PLCB1: variants seen among roughly 807,000 people sequenced by gnomAD.
PLCB1 encodes the protein 1-phosphatidylinositol 4,5-bisphosphate phosphodiesterase beta-1.
Under a neutral mutation model 161.8 loss-of-function variants are expected in PLCB1, and 46 were observed. That is an observed-to-expected ratio of 0.28 (90% CI 0.22 to 0.36). PLCB1 has a LOEUF of 0.36. Ranked by LOEUF, PLCB1 falls within the 10% of genes least tolerant of loss-of-function variation. The pLI, the probability that PLCB1 is intolerant of heterozygous loss-of-function variation, is 1.00. For synonymous variants in PLCB1, 517 were observed against 503.7 expected (o/e 1.03, Z -0.35); for missense variants, 1,016 against 1,472.5 (o/e 0.69, Z 5.07).
chr20:8,456,007 G>A (rs1981300704), intron 3 of PLCB1, among the ~76,000 whole-genome samples: 1 of 152,176 alleles, frequency 6.6e-6, no homozygotes, highest in Non-Finnish European at 1.5e-5. Flanking sequence ...ATAGGAATAC[G>A]TGTTCTGGTT....
intron 3 of PLCB1, among the ~76,000 whole-genome samples, chr20:8,431,616 T>G (rs1234881940): frequency 6.6e-6 from 1 of 152,148 alleles, no homozygotes; most frequent in East Asian, 1.9e-4. Flanking sequence ...ATTATAGACA[T>G]GTATTTGGTA....
rs1158864787 is a variant in PLCB1, at chr20:8,541,595, A to AGAAAGAAAGAAAGAAAGAAAGAAAGAAG, written c.247-86686_247-86685insAAAGAAAGAAAGAAGGAAAGAAAGAAAG. ...AAGAAAGAAAGAAAGAAAGAAAGAA[A>AGAAAGAAAGAAAGAAAGAAAGAAAGAAG]GAAAGAAAGAAAGGAAGGAAGATAG... On this transcript the variant is annotated intron_variant, in intron 3 of 31. Coordinates refer to ENST00000338037, the MANE Select transcript of PLCB1 (RefSeq NM_015192.4). Among the ~76,000 whole-genome samples the AGAAAGAAAGAAAGAAAGAAAGAAAGAAG allele has an allele frequency of 2.6e-3, 395 of 151,810 alleles. 5 individuals are homozygous for AGAAAGAAAGAAAGAAAGAAAGAAAGAAG. The highest frequency in any genetic ancestry group is 9.3e-3 in the African/African-American group (385 of 41,326).
intron 2 of PLCB1, among the ~76,000 whole-genome samples, chr20:8,343,622 T>A (rs151071279): frequency 6.6e-6 from 1 of 152,208 alleles, no homozygotes; most frequent in East Asian, 1.9e-4. Context: ...GATCATTTAG[T>A]ATACTTCCAG....
intron 2 of PLCB1, among the ~76,000 whole-genome samples, chr20:8,220,750 T>C (rs1457142256): frequency 1.3e-5 from 2 of 152,196 alleles, no homozygotes; most frequent in Admixed American, 6.5e-5. Flanking sequence ...ATGTCTGTTG[T>C]TCAAAGTCAC....
rs117911156 is a variant in PLCB1 at position 8,360,943 on chromosome 20, A to G, written c.178-10439A>G. ...AGAAAATGAGACTATCCAGATGGAT[A>G]TAACCAATCAGCTACTAAGGTAAAG... On this transcript the variant is annotated intron_variant, in intron 2 of 31. Coordinates refer to ENST00000338037, the MANE Select transcript of PLCB1 (RefSeq NM_015192.4). 1.4e-4 allele frequency among the ~76,000 whole-genome samples: 22 copies of G among 152,392 alleles called. No individual in the cohort carries two copies. The East Asian group carries it at 4.0e-3, about 28-fold the overall frequency.
rs139438338 is a variant in PLCB1, at chr20:8,161,642, G to C, written c.177+11271G>C. Among the ~76,000 whole-genome samples the C allele has an allele frequency of 2.0e-5, 3 of 152,294 alleles. No homozygotes were observed. In the East Asian group the frequency reaches 5.8e-4, roughly 29 times the overall value. On this transcript the variant is annotated intron_variant, in intron 2 of 31. Coordinates refer to ENST00000338037, the MANE Select transcript of PLCB1 (RefSeq NM_015192.4). ...AGGCCTAGTACATTTGCTAGGAACAGACAAACTGTATGAAGAAGGTATTCT... is the reference window on the plus strand; with the variant it reads ...AGGCCTAGTACATTTGCTAGGAACACACAAACTGTATGAAGAAGGTATTCT...
At chr20:8,356,991 G>T (rs1053522065) in intron 2 of PLCB1, among the ~76,000 whole-genome samples, 4 of 152,152 alleles carry the variant, frequency 2.6e-5, no homozygotes, top group African/African-American at 7.2e-5. Context: ...AAGTAATTTG[G>T]AGGAAGATTT....
chr20:8,803,104 G>T (rs1448136879), intron 31 of PLCB1, among the ~76,000 whole-genome samples: 1 of 152,170 alleles, frequency 6.6e-6, no homozygotes, highest in African/African-American at 2.4e-5. Context: ...TACTGAGAAA[G>T]AGGTATGAGT....
intron 2 of PLCB1, among the ~76,000 whole-genome samples, chr20:8,355,993 A>G (rs1986351737): frequency 1.3e-5 from 2 of 152,160 alleles, no homozygotes; most frequent in African/African-American, 2.4e-5. Flanking sequence ...TTAAAAATAG[A>G]CCTGCAGAAT....
chr20:8,760,406 G>C lies in PLCB1; in HGVS notation c.2657-1G>C, dbSNP rs770614660. The C allele has an allele frequency of 6.3e-7, 1 of 1,593,092 alleles. No individual in the cohort carries two copies. Among genetic ancestry groups the C allele is most frequent in the Non-Finnish European group, 8.6e-7 (1 of 1,161,948 alleles). On this transcript the variant is annotated splice_acceptor_variant, in intron 24 of 31. Transcript: ENST00000338037. LOFTEE classifies it high-confidence loss of function. The stretch of plus-strand genomic sequence containing the variant: ...TATTTATTTTATCTTTTATATTACA[G>C]GTTCTGTAAAGGCACCTGCCAAAAC...
At chr20:8,658,747 A>G (rs767687667) in intron 9 of PLCB1, 43 bp downstream of exon 9, 30 of 1,527,174 alleles carry the variant, frequency 2.0e-5, no homozygotes, top group Non-Finnish European at 1.9e-5. Context: ...CTTGTTTCTG[A>G]TTGGGGGTAG....
intron 31 of PLCB1, among the ~76,000 whole-genome samples, chr20:8,803,707 C>T (rs1045750275): frequency 6.6e-6 from 1 of 152,126 alleles, no homozygotes; most frequent in Non-Finnish European, 1.5e-5. Flanking sequence ...TCTTTTAAAT[C>T]ATCAGTGATG....
chr20:8,764,891 G>A (rs1982233335), intron 25 of PLCB1, among the ~76,000 whole-genome samples: 1 of 152,110 alleles, frequency 6.6e-6, no homozygotes. Flanking sequence ...TCTGCTTCTA[G>A]GGAACCCAAA....
intron 31 of PLCB1, among the ~76,000 whole-genome samples, chr20:8,872,076 G>A (rs3848832): frequency 0.36 from 54,695 of 152,028 alleles, 10,035 homozygotes; most frequent in South Asian, 0.56. Flanking sequence ...TGTCTACTTT[G>A]TGTAGATCTA....
intron 9 of PLCB1, among the ~76,000 whole-genome samples, chr20:8,660,057 T>TCTA (rs1272327999): frequency 1.3e-5 from 2 of 151,934 alleles, no homozygotes; most frequent in African/African-American, 4.8e-5. Flanking sequence ...TTAATCATAT[T>TCTA]CTACATGCTA....
At chr20:8,466,341 G>C (rs1169089078) in intron 3 of PLCB1, among the ~76,000 whole-genome samples, 1 of 120,396 alleles carries the variant, frequency 8.3e-6, no homozygotes, top group Non-Finnish European at 1.7e-5. Flanking sequence ...GGGGAGGGGG[G>C]AGGGATAGCA....
intron 2 of PLCB1, among the ~76,000 whole-genome samples, chr20:8,358,715 T>G (rs1463344947): frequency 2.0e-5 from 3 of 152,240 alleles, no homozygotes; most frequent in Non-Finnish European, 4.4e-5. Context: ...CCCAATAACC[T>G]GTTTCATTTA....
chr20:8,190,947 A>C (rs557135650), intron 2 of PLCB1, among the ~76,000 whole-genome samples: 1 of 152,198 alleles, frequency 6.6e-6, no homozygotes, highest in African/African-American at 2.4e-5. Flanking sequence ...TCAAGTTCAT[A>C]ATAATTATAT....
chr20:8,683,207 A>G (rs1356199582), intron 9 of PLCB1, among the ~76,000 whole-genome samples: 1 of 152,082 alleles, frequency 6.6e-6, no homozygotes, highest in Non-Finnish European at 1.5e-5. Context: ...AGCTTCATAA[A>G]AGAATTATAC....
Sources: gnomAD v4.1 joint callset for allele counts (sites outside exome capture counted in the v4.1 genomes callset) on GRCh38, gnomAD v4.1.1 for gene constraint, MANE v1.5 for transcripts, NCBI Gene and HGNC (gene_info 2026-07-23, HGNC 2026-07-21) for gene names.